RPP40: variants seen among roughly 807,000 people sequenced by gnomAD.
RPP40 encodes ribonuclease P/MRP subunit p40.
In RPP40, 30 loss-of-function variants were observed where a neutral mutation model predicts 42.5. The ratio of observed to expected loss-of-function variants is 0.71; its 90% CI spans 0.53 to 0.96. The LOEUF (loss-of-function observed/expected upper bound fraction) is 0.96, where lower values mean the gene tolerates loss of function less well. Among genes scored for constraint, RPP40 ranks in the 40% least tolerant of loss-of-function variants. The probability of loss-of-function intolerance (pLI) is 0.00; values close to 1 mark genes in which losing one functional copy is unlikely to be tolerated. For missense variants in RPP40, 426 were observed against 433.5 expected, an observed-to-expected ratio of 0.98 and a Z score of 0.15; for synonymous variants, 173 against 164.0, an observed-to-expected ratio of 1.05 and a Z score of -0.42.
In RPP40 at chr6:4,995,054, A is replaced by T; in HGVS notation, c.*24T>A. ...CTGAAAGCAAGCGTAAATGTAAGTA[A>T]ACACGATTTTTAATTTTTATTTTTT... On this transcript the variant is annotated 3_prime_UTR_variant, in exon 8 of 8. Transcript: ENST00000380051. 6.3e-7 allele frequency: 1 copy of T among 1,593,154 alleles called. No homozygotes were observed. The highest frequency in any genetic ancestry group is 1.1e-5 in the South Asian group (1 of 89,894).
In RPP40 at chr6:4,995,964, A is replaced by G. The variant is rs990345369; in HGVS notation, c.880T>C (p.Leu294=). ...AAGAGTTCTCACCAGAGATGTTCCA[A>G]TAGGAGACAGATCTTCTCTGGAAGT... The part of the protein sequence containing the change: ...FILPEKICLL[L]EHLCHYFDEP... Residue 294 remains leucine, a synonymous_variant, in exon 7 of 8, where the codon TTG becomes CTG. Transcript: ENST00000380051. 1.2e-6 allele frequency: 2 copies of G among 1,614,070 alleles called. No homozygotes were observed. The highest frequency in any genetic ancestry group is 1.7e-5 in the Admixed American group (1 of 60,026).
chr6:4,995,555 C>A (rs1335851005), intron 7 of RPP40, among the ~76,000 whole-genome samples: 4 of 152,150 alleles, frequency 2.6e-5, no homozygotes. Context: ...ACAAAAAACC[C>A]CACAGGCGTT....
downstream of RPP40, among the ~76,000 whole-genome samples, chr6:4,992,075 T>C (rs1759268187): frequency 6.6e-6 from 1 of 152,088 alleles, no homozygotes; most frequent in Admixed American, 6.5e-5. Context: ...TGGTGGCCCA[T>C]GCCTGTAATC....
the RPP40 span, among the ~76,000 whole-genome samples, chr6:4,988,773 T>G: frequency 6.6e-6 from 1 of 152,260 alleles, no homozygotes; most frequent in African/African-American, 2.4e-5. Context: ...ATAAAGCTGC[T>G]ATGAACATTT....
At chr6:4,993,531 A>G (rs1175327078), downstream of RPP40, among the ~76,000 whole-genome samples, 1 of 151,942 alleles carries the variant, frequency 6.6e-6, no homozygotes, top group African/African-American at 2.4e-5. Flanking sequence ...GTTCTTGTCT[A>G]TTTTACACTT....
At chr6:5,003,430 G>T (rs947221086) in intron 1 of RPP40, among the ~76,000 whole-genome samples, 15 of 151,436 alleles carry the variant, frequency 9.9e-5, no homozygotes, top group African/African-American at 3.6e-4. Flanking sequence ...CCACAGGTAC[G>T]CAGGTGGGAG....
chr6:5,003,345 T>TCAAAAAAAAAAAAA (rs34031203), intron 1 of RPP40, among the ~76,000 whole-genome samples: 1 of 76,586 alleles, frequency 1.3e-5, no homozygotes, highest in African/African-American at 5.7e-5. Context: ...AAACTCCGTC[T>TCAAAAAAAAAAAAA]AAAAAAAAAA....
intron 5 of RPP40, among the ~76,000 whole-genome samples, chr6:4,996,882 T>C (rs1254642255): frequency 6.6e-6 from 1 of 152,158 alleles, no homozygotes; most frequent in Admixed American, 6.5e-5. Flanking sequence ...TTCAGGGATG[T>C]TTGTGTAGCC....
intron 1 of RPP40, 65 bp downstream of exon 1, chr6:5,003,815 C>T (rs943158149): frequency 1.9e-6 from 3 of 1,558,394 alleles, no homozygotes; most frequent in Non-Finnish European, 2.6e-6. Context: ...CTAGCACTCT[C>T]CCCAAACCTC....
At chr6:4,990,180 A>G (rs149076278), downstream of RPP40, among the ~76,000 whole-genome samples, 223 of 152,316 alleles carry the variant, frequency 1.5e-3, no homozygotes, top group African/African-American at 4.9e-3. Context: ...TTGATTGATT[A>G]TATGATTATT....
intron 3 of RPP40, 51 bp from the exon 4 acceptor site, chr6:4,999,955 T>C (rs948422010): frequency 1.2e-5 from 14 of 1,125,334 alleles, no homozygotes; most frequent in East Asian, 2.4e-5. Context: ...GAACTTACGT[T>C]GTCTGACTAA....
At chr6:4,998,952 T>C in intron 4 of RPP40, 111 bp from the exon 5 acceptor site, 1 of 682,986 alleles carries the variant, frequency 1.5e-6, no homozygotes, top group Admixed American at 3.9e-5. Flanking sequence ...TTATGGATAG[T>C]AAAATTATTT....
Position 4,994,765 on chromosome 6 carries a change from A to G in RPP40, c.*313T>C, listed in dbSNP as rs1189507872. On this transcript the variant is annotated 3_prime_UTR_variant, in exon 8 of 8. Coordinates refer to ENST00000380051, the MANE Select transcript of RPP40 (RefSeq NM_006638.4). ...ATCTGAAAAAGTTGTAATGAACAAA[A>G]TATATCTCAACCAATGGAGTGAGAT... The G allele has an allele frequency of 6.9e-6, 2 of 290,280 alleles. No homozygotes were observed. The highest frequency in any genetic ancestry group is 1.3e-5 in the Non-Finnish European group (2 of 155,460). The allele number at this position is 290,280 out of a possible 1,614,324, so 18.0% of individuals were successfully genotyped here.
intron 3 of RPP40, 145 bp from the exon 4 acceptor site, chr6:5,000,049 T>C (rs1759503459): frequency 1.8e-6 from 1 of 570,164 alleles, no homozygotes; most frequent in Admixed American, 3.2e-5. Flanking sequence ...AGAATATTAT[T>C]TATGTGTATA....
intron 1 of RPP40, among the ~76,000 whole-genome samples, chr6:5,003,360 AAAAAAAAG>A (rs1561748548): frequency 6.7e-6 from 1 of 149,172 alleles, no homozygotes; most frequent in Non-Finnish European, 1.5e-5. Flanking sequence ...AAAAAAAAAA[AAAAAAAAG>A]GAAAATCAGT....
intron 2 of RPP40, chr6:5,001,215 CTGTTAAA>C (rs1279664764): frequency 2.2e-6 from 1 of 449,820 alleles, no homozygotes; most frequent in African/African-American, 2.0e-5. Flanking sequence ...AGTTTCCTCA[CTGTTAAA>C]TGAGGATCAT....
rs1020140419 is a variant in RPP40, at chr6:4,996,485, A to T, written c.560-65T>A. ...ACCATCGTAAGCAAGTTTAGTGAAT[A>T]CCTGAACCCACCCATTCCCATCTGA... On this transcript the variant is annotated intron_variant, in intron 5 of 7. Coordinates refer to ENST00000380051, the MANE Select transcript of RPP40 (RefSeq NM_006638.4). 7 of 1,403,314 alleles carry T rather than the reference A, an allele frequency of 5.0e-6. No individual in the cohort carries two copies. In the African/African-American group the frequency reaches 8.5e-5, roughly 17 times the overall value. 86.9% of individuals were successfully genotyped at this position (1,403,314 alleles called of 1,614,324 possible). A position where few individuals can be genotyped will look rare whatever the true frequency, so the allele number is the denominator to read the frequency against.
intron 5 of RPP40, among the ~76,000 whole-genome samples, 187 bp from the exon 6 acceptor site, chr6:4,996,607 C>T (rs146080722): frequency 1.2e-3 from 183 of 152,296 alleles, no homozygotes; most frequent in African/African-American, 3.9e-3. Context: ...GTTCTGTAAA[C>T]GTTCATCGTT....
In RPP40 at chr6:4,999,720, T is replaced by C. The variant is rs74488932; in HGVS notation, c.433+89A>G. On this transcript the variant is annotated intron_variant, in intron 4 of 7. Transcript: ENST00000380051. Reference sequence around the variant, plus strand: ...ATTTTTTTTAAAAGGCCACATTTTTTTGAACAAAGAGATTAGAGGCAATTC... The same window carrying C: ...ATTTTTTTTAAAAGGCCACATTTTTCTGAACAAAGAGATTAGAGGCAATTC... The C allele has an allele frequency of 9.0e-3, 6,917 of 765,686 alleles. 319 individuals carry two copies. In the African/African-American group the frequency reaches 0.1, roughly 11 times the overall value. The allele number at this position is 765,686 out of a possible 1,614,324, so 47.4% of individuals were successfully genotyped here.
Sources: gnomAD v4.1 joint callset for allele counts (sites outside exome capture counted in the v4.1 genomes callset) on GRCh38, gnomAD v4.1.1 for gene constraint, MANE v1.5 for transcripts, NCBI Gene and HGNC (gene_info 2026-07-23, HGNC 2026-07-21) for gene names.